The following NSMCE2 variants were observed in gnomAD, a reference collection of about 807,000 sequenced individuals.
NSMCE2 encodes NSE2 SUMO ligase component of SMC5/6 complex, also known as E3 SUMO-protein ligase NSE2.
NSMCE2 carries 24 observed loss-of-function variants against 23.8 expected under a neutral mutation model. The observed-to-expected ratio is 1.01, with a 90% CI of 0.73 to 1.42. The LOEUF (loss-of-function observed/expected upper bound fraction) is 1.42. NSMCE2 is among the 40% of genes most tolerant of loss of function. The pLI, the probability that NSMCE2 is intolerant of heterozygous loss-of-function variation, is 0.00. For synonymous variants in NSMCE2, 92 were observed against 94.1 expected (o/e 0.98, Z 0.13); for missense variants, 284 against 296.5 (o/e 0.96, Z 0.31).
chr8:125,103,199 G>A (rs1226777571), intron 3 of NSMCE2, among the ~76,000 whole-genome samples: 1 of 151,986 alleles, frequency 6.6e-6, no homozygotes, highest in East Asian at 1.9e-4. Flanking sequence ...CCAGCTACTC[G>A]GGAGGCTGAG....
chr8:125,322,796 C>G (rs1829507008), intron 5 of NSMCE2, among the ~76,000 whole-genome samples: 2 of 152,132 alleles, frequency 1.3e-5, no homozygotes, highest in Admixed American at 6.5e-5. Flanking sequence ...AATTATATTC[C>G]TATATACTAG....
chr8:125,193,924 A>G (rs145039878), intron 5 of NSMCE2, among the ~76,000 whole-genome samples: 34 of 152,202 alleles, frequency 2.2e-4, no homozygotes, highest in East Asian at 1.3e-3. Context: ...TCGTTGATTT[A>G]TTTGCCAGGT....
intron 3 of NSMCE2, among the ~76,000 whole-genome samples, chr8:125,122,171 CCAAAA>C (rs1337343549): frequency 1.5e-4 from 13 of 86,400 alleles, no homozygotes; most frequent in Non-Finnish European, 1.2e-4. Flanking sequence ...TCTGGCTGAG[CCAAAA>C]AAAAAAAAAA....
In NSMCE2 at chr8:125,102,358, G is replaced by T; in HGVS notation, c.28G>T (p.Gly10Cys). 6.2e-7 allele frequency: 1 copy of T among 1,613,754 alleles called. No homozygotes were observed. MPGRSSSNS[G>C]STGFISFSGV... ...GCCAGGACGTTCCAGTTCAAATTCA[G>T]GTTCAACTGGTTTCATCTCCTTCAG... The change falls in exon 3 of 8, where the codon GGT becomes TGT. Residue 10 changes from glycine (G) to cysteine (C), a missense_variant. By Grantham distance (159) the Gly-to-Cys change is radical. Transcript: ENST00000287437.
In NSMCE2 at chr8:125,182,233, A is replaced by G. The variant is rs1169173942; in HGVS notation, c.395A>G (p.Gln132Arg). The G allele has an allele frequency of 1.2e-6, 2 of 1,604,558 alleles. No individual in the cohort carries two copies. Among genetic ancestry groups the G allele is most frequent in the Non-Finnish European group, 1.7e-6 (2 of 1,177,000 alleles). ...NNEKFVQFKQ[Q>R]LKELKKQCGL... is the part of the protein sequence containing the mutation. ...GAAAAATTTGTACAGTTTAAACAAC[A>G]GCTGAAAGAACTAAAGAAGCAATGT... Residue 132 changes from glutamine (Q) to arginine (R), a missense_variant, in exon 5 of 8, where the codon CAG (glutamine) becomes CGG (arginine). Around this residue, in one of 2 missense-constraint regions of NSMCE2, gnomAD observed 182 missense variants for 155.5 expected, o/e 1.17. Transcript: ENST00000287437.
chr8:125,244,921 A>G (rs1825899437), intron 5 of NSMCE2, among the ~76,000 whole-genome samples: 1 of 152,214 alleles, frequency 6.6e-6, no homozygotes, highest in Non-Finnish European at 1.5e-5. Context: ...TACAGAAAGT[A>G]ATTTACAAGA....
At chr8:125,304,197 A>G (rs1446812605) in intron 5 of NSMCE2, among the ~76,000 whole-genome samples, 3 of 152,198 alleles carry the variant, frequency 2.0e-5, no homozygotes, top group Non-Finnish European at 2.9e-5. Flanking sequence ...TTCGACTCTA[A>G]TCTATAAAAC....
rs1252540649 is a variant in NSMCE2, at chr8:125,151,274, T to A, written c.261T>A (p.Asn87Lys). The change falls in exon 4 of 8, where the codon AAT (asparagine) becomes AAA (lysine). Residue 87 changes from asparagine (N) to lysine (K), a missense_variant. Asn to Lys is a moderately conservative substitution (Grantham distance 94, BLOSUM62 0). This residue lies in a region of NSMCE2 where 182 missense variants were observed against 155.5 expected (regional missense o/e 1.17). Transcript: ENST00000287437. ...HYVKAVQSTI[N>K]HVKEERPEKI... Reference sequence around the variant, plus strand: ...TAAAGGCTGTTCAATCTACAATAAATCATGTAAGTTTATACCACTCCCTGG... The same window carrying A: ...TAAAGGCTGTTCAATCTACAATAAAACATGTAAGTTTATACCACTCCCTGG... The A allele has an allele frequency of 6.6e-7, 1 of 1,523,270 alleles. No individual in the cohort carries two copies. Among genetic ancestry groups the A allele is most frequent in the Non-Finnish European group, 9.1e-7 (1 of 1,099,166 alleles). 94.4% of individuals were successfully genotyped at this position (1,523,270 alleles called of 1,614,324 possible). A position where few individuals can be genotyped will look rare whatever the true frequency, so the allele number is the denominator to read the frequency against.
intron 3 of NSMCE2, among the ~76,000 whole-genome samples, chr8:125,118,487 G>A (rs1819127056): frequency 6.6e-6 from 1 of 152,120 alleles, no homozygotes; most frequent in Admixed American, 6.5e-5. Context: ...AAGTTCCCAG[G>A]GTCTGCGGGT....
chr8:125,326,503 A>G (rs1419962360), intron 5 of NSMCE2, among the ~76,000 whole-genome samples: 6 of 152,150 alleles, frequency 3.9e-5, no homozygotes, highest in African/African-American at 1.4e-4. Flanking sequence ...TTTCTTGAGC[A>G]TATACAAAAG....
At chr8:125,155,443 A>G (rs1238317168) in intron 4 of NSMCE2, among the ~76,000 whole-genome samples, 1 of 152,184 alleles carries the variant, frequency 6.6e-6, no homozygotes, top group Non-Finnish European at 1.5e-5. Context: ...CTTTATATAT[A>G]GAAAGTTAAT....
At chr8:125,243,716 G>A (rs1456553737) in intron 5 of NSMCE2, among the ~76,000 whole-genome samples, 4 of 152,144 alleles carry the variant, frequency 2.6e-5, no homozygotes, top group Non-Finnish European at 4.4e-5. Flanking sequence ...CAGGTAAGGT[G>A]GAGTGAGGGA....
intron 5 of NSMCE2, among the ~76,000 whole-genome samples, chr8:125,196,563 G>A (rs1823632133): frequency 6.6e-6 from 1 of 152,120 alleles, no homozygotes; most frequent in Non-Finnish European, 1.5e-5. Flanking sequence ...AGTATTCCAT[G>A]GTGTATATGT....
chr8:125,201,736 C>T (rs1275584223), intron 5 of NSMCE2, among the ~76,000 whole-genome samples: 1 of 152,232 alleles, frequency 6.6e-6, no homozygotes, highest in African/African-American at 2.4e-5. Context: ...AGCTGTCAGA[C>T]AGGGACGTTT....
At chr8:125,280,020 G>A (rs930546197) in intron 5 of NSMCE2, among the ~76,000 whole-genome samples, 1 of 152,168 alleles carries the variant, frequency 6.6e-6, no homozygotes, top group Non-Finnish European at 1.5e-5. Flanking sequence ...TAAATTCCTC[G>A]AGGGCAGGGA....
In NSMCE2 at chr8:125,112,067, G is replaced by C. The variant is rs370024951; in HGVS notation, c.157+9580G>C. On this transcript the variant is annotated intron_variant, in intron 3 of 7. Coordinates refer to ENST00000287437, the MANE Select transcript of NSMCE2 (RefSeq NM_173685.4). ...AAGTAGGTGGTTTCTAGTGGTGAGT[G>C]GTGGCCACAATGATAATAAAAATAA... Among the ~76,000 whole-genome samples the C allele has an allele frequency of 5.9e-5, 9 of 152,208 alleles. No individual in the cohort carries two copies. The South Asian group carries it at 1.9e-3, about 32-fold the overall frequency.
At chr8:125,342,180 A>G (rs529833798) in intron 5 of NSMCE2, among the ~76,000 whole-genome samples, 11 of 152,154 alleles carry the variant, frequency 7.2e-5, no homozygotes, top group Non-Finnish European at 1.6e-4. Context: ...CTGTGGTTCT[A>G]CTTGTGCTCA....
chr8:125,249,123 A>G (rs769277166), intron 5 of NSMCE2, among the ~76,000 whole-genome samples: 1 of 151,838 alleles, frequency 6.6e-6, no homozygotes, highest in Non-Finnish European at 1.5e-5. Flanking sequence ...GTGAGCCAAG[A>G]TCATGCCACT....
rs190785069 is a variant in NSMCE2 at position 125,230,211 on chromosome 8, A to G, written c.418+47955A>G. ...AAAGAGATTCATCCAGATATCAGAT[A>G]TCTTTACAAAAGGCTCATGCTTTTC... On this transcript the variant is annotated intron_variant, in intron 5 of 7. Coordinates refer to ENST00000287437, the MANE Select transcript of NSMCE2 (RefSeq NM_173685.4). Among the ~76,000 whole-genome samples the G allele has an allele frequency of 3.0e-4, 46 of 152,352 alleles. 1 individual carries two copies. Among genetic ancestry groups the G allele is most frequent in the Admixed American group, 3.0e-3 (46 of 15,306 alleles).
Sources: gnomAD v4.1 joint callset for allele counts (sites outside exome capture counted in the v4.1 genomes callset) on GRCh38, gnomAD v4.1.1 for gene constraint, gnomAD v4.1.1 regional missense constraint, MANE v1.5 for transcripts, NCBI Gene and HGNC (gene_info 2026-07-23, HGNC 2026-07-21) for gene names.